The following AP3B1 variants were observed in gnomAD, a reference collection of about 807,000 sequenced individuals.
AP3B1 encodes the protein adaptor related protein complex 3 subunit beta 1.
Under a neutral mutation model 132.5 loss-of-function variants are expected in AP3B1, and 61 were observed. The ratio of observed to expected loss-of-function variants is 0.46; its 90% CI spans 0.37 to 0.57. AP3B1 has a LOEUF of 0.57. AP3B1 is among the 20% of genes least tolerant of loss of function. The pLI, the probability that AP3B1 is intolerant of heterozygous loss-of-function variation, is 0.00. For missense variants in AP3B1, 1,120 were observed against 1,289.4 expected (o/e 0.87, Z 2.01); for synonymous variants, 388 against 438.3 (o/e 0.89, Z 1.43).
chr5:78,056,502 G>A (rs252783), intron 22 of AP3B1, among the ~76,000 whole-genome samples: 40,596 of 152,060 alleles, frequency 0.27, 6,048 homozygotes, highest in Admixed American at 0.4. Context: ...AAAAGTACAT[G>A]TCAAAAAGCT....
intron 20 of AP3B1, among the ~76,000 whole-genome samples, chr5:78,105,648 A>G (rs991916957): frequency 2.6e-5 from 4 of 152,222 alleles, no homozygotes; most frequent in African/African-American, 9.6e-5. Context: ...ATTTGGAACA[A>G]AAGAATTACT....
intron 1 of AP3B1, 60 bp from the exon 2 acceptor site, chr5:78,267,655 A>C: frequency 9.8e-7 from 1 of 1,023,596 alleles, no homozygotes; most frequent in Admixed American, 1.8e-5. Flanking sequence ...ATAGCTTAAA[A>C]TATATCATTT....
intron 1 of AP3B1, among the ~76,000 whole-genome samples, chr5:78,275,098 T>A (rs778137809): frequency 2.0e-5 from 3 of 152,148 alleles, no homozygotes; most frequent in African/African-American, 7.2e-5. Context: ...CATGGTTGTG[T>A]TCTAATAAAA....
At chr5:78,286,753 A>T (rs1479381549) in intron 1 of AP3B1, among the ~76,000 whole-genome samples, 7 of 152,296 alleles carry the variant, frequency 4.6e-5, no homozygotes, top group African/African-American at 7.2e-5. Context: ...GCTGGTTCCT[A>T]TCAGCAATAT....
chr5:78,273,471 T>G (rs1748640434), intron 1 of AP3B1, among the ~76,000 whole-genome samples: 1 of 152,148 alleles, frequency 6.6e-6, no homozygotes, highest in East Asian at 1.9e-4. Flanking sequence ...AATTGCCATG[T>G]GGGAGAACAG....
chr5:78,024,862 CTTT>C (rs35911405), intron 24 of AP3B1, among the ~76,000 whole-genome samples: 1 of 130,036 alleles, frequency 7.7e-6, no homozygotes, highest in East Asian at 2.2e-4. Flanking sequence ...TGCGCCTGGC[CTTT>C]TTTTTTTTTT....
intron 22 of AP3B1, among the ~76,000 whole-genome samples, chr5:78,067,647 C>G (rs1207810688): frequency 6.6e-6 from 1 of 152,120 alleles, no homozygotes; most frequent in Non-Finnish European, 1.5e-5. Flanking sequence ...GGAAATTGAA[C>G]AACCTGCTAC....
chr5:78,156,394 T>A, intron 13 of AP3B1, 27 bp from the exon 14 acceptor site: 1 of 1,430,950 alleles, frequency 7.0e-7, no homozygotes, highest in Non-Finnish European at 9.9e-7. Flanking sequence ...TTATTCATAC[T>A]AAATATGTAT....
At chr5:78,258,497 C>G (rs557064930) in intron 2 of AP3B1, among the ~76,000 whole-genome samples, 3 of 152,010 alleles carry the variant, frequency 2.0e-5, no homozygotes, top group Non-Finnish European at 4.4e-5. Context: ...ATCATCTCAC[C>G]CCAGTTAAAA....
In AP3B1 at chr5:78,089,218, G is replaced by C. The variant is rs977810717; in HGVS notation, c.2577+175C>G. 21 of 567,402 alleles carry C rather than the reference G, an allele frequency of 3.7e-5. No individual in the cohort carries two copies. In the African/African-American group the frequency reaches 3.8e-4, roughly 10 times the overall value. 35.1% of individuals were successfully genotyped at this position (567,402 alleles called of 1,614,324 possible). On this transcript the variant is annotated intron_variant, in intron 22 of 26. Transcript: ENST00000255194. ...GACAACAAGGGAAAAAAATTGAGAA[G>C]ATAATGGTTTGAGTAAATTATTTAA...
chr5:78,269,314 A>G (rs1421923627), intron 1 of AP3B1, among the ~76,000 whole-genome samples: 3 of 152,184 alleles, frequency 2.0e-5, no homozygotes, highest in African/African-American at 7.2e-5. Flanking sequence ...TTATTTTTAC[A>G]TAAGTGACAT....
intron 26 of AP3B1, among the ~76,000 whole-genome samples, chr5:78,009,560 T>C (rs528363180): frequency 4.4e-4 from 67 of 152,306 alleles, no homozygotes; most frequent in African/African-American, 1.5e-3. Context: ...TTTATGTGTG[T>C]TGATAAATTA....
At chr5:78,167,050 T>C (rs933741644) in intron 11 of AP3B1, among the ~76,000 whole-genome samples, 2 of 151,098 alleles carry the variant, frequency 1.3e-5, no homozygotes, top group African/African-American at 4.9e-5. Context: ...ATCAGCAGAG[T>C]TAACAGACAA....
intron 11 of AP3B1, among the ~76,000 whole-genome samples, chr5:78,168,455 C>T (rs1376943040): frequency 6.6e-6 from 1 of 151,978 alleles, no homozygotes; most frequent in East Asian, 1.9e-4. Context: ...AACTCCTAGG[C>T]TCAAGCGATC....
At chr5:78,105,662 T>C (rs1344938450) in intron 20 of AP3B1, among the ~76,000 whole-genome samples, 1 of 152,202 alleles carries the variant, frequency 6.6e-6, no homozygotes, top group African/African-American at 2.4e-5. Flanking sequence ...AATTACTTCA[T>C]TGAAAGGACT....
chr5:78,176,599 G>A lies in AP3B1; in HGVS notation c.1040+740C>T, dbSNP rs117094674. The stretch of plus-strand genomic sequence containing the variant: ...AACTAATTACTGAAAAATAGCTAAG[G>A]TATGTCAAATAGCTGAAATGAAGGT... On this transcript the variant is annotated intron_variant, in intron 9 of 26. Transcript: ENST00000255194. Among the ~76,000 whole-genome samples, 38 of 152,212 alleles carry A rather than the reference G, an allele frequency of 2.5e-4. No homozygotes were observed. In the East Asian group the frequency reaches 6.4e-3, roughly 25 times the overall value.
In AP3B1 at chr5:78,002,686, A is replaced by G. The variant is rs1746234603; in HGVS notation, c.*216T>C. The G allele has an allele frequency of 1.6e-6, 1 of 625,884 alleles. No individual in the cohort carries two copies. Among genetic ancestry groups the G allele is most frequent in the African/African-American group, 1.8e-5 (1 of 54,436 alleles). The allele number at this position is 625,884 out of a possible 1,614,324, so 38.8% of individuals were successfully genotyped here. A position where few individuals can be genotyped will look rare whatever the true frequency, so the allele number is the denominator to read the frequency against. Reference sequence around the variant, plus strand: ...TCAAGAGTTGAGACAACTGACAGTAAAATATATGCTCTTTGGTTAGCAAAG... The same window carrying G: ...TCAAGAGTTGAGACAACTGACAGTAGAATATATGCTCTTTGGTTAGCAAAG... On this transcript the variant is annotated 3_prime_UTR_variant, in exon 27 of 27. Coordinates refer to ENST00000255194, the MANE Select transcript of AP3B1 (RefSeq NM_003664.5).
chr5:78,071,914 C>G (rs1749558070), intron 22 of AP3B1, among the ~76,000 whole-genome samples: 1 of 152,148 alleles, frequency 6.6e-6, no homozygotes, highest in African/African-American at 2.4e-5. Flanking sequence ...GAATCCTGTT[C>G]CCTAATTTCA....
chr5:78,235,238 A>C (rs764229092), intron 3 of AP3B1, among the ~76,000 whole-genome samples: 6 of 152,200 alleles, frequency 3.9e-5, no homozygotes, highest in Non-Finnish European at 8.8e-5. Flanking sequence ...AGTTCTCTGG[A>C]AAGTTTTGAG....
Sources: allele counts gnomAD v4.1 joint callset (sites outside exome capture counted in the v4.1 genomes callset), GRCh38; gene constraint gnomAD v4.1.1; transcripts MANE v1.5; gene names NCBI Gene and HGNC (gene_info 2026-07-23, HGNC 2026-07-21).